Variants in CIZ1 observed in about 807,000 individuals in gnomAD.
The protein encoded by CIZ1 is cip1-interacting zinc finger protein.
In CIZ1, 58 loss-of-function variants were observed where a neutral mutation model predicts 118.6. The observed-to-expected ratio is 0.49, with a 90% CI of 0.40 to 0.61. The LOEUF (loss-of-function observed/expected upper bound fraction) is 0.61. Among genes scored for constraint, CIZ1 ranks in the 20% least tolerant of loss-of-function variants. CIZ1 has a pLI of 0.00. For synonymous variants in CIZ1, 448 were observed against 443.4 expected (o/e 1.01, Z -0.13); for missense variants, 921 against 1,115.9 (o/e 0.83, Z 2.49).
In CIZ1 at chr9:128,178,987, AC is replaced by A; in HGVS notation, c.1219del (p.Val407CysfsTer89). 1 of 1,612,632 alleles carries A rather than the reference AC, an allele frequency of 6.2e-7. No individual in the cohort carries two copies. The highest frequency in any genetic ancestry group is 8.5e-7 in the Non-Finnish European group (1 of 1,179,792). The part of the protein sequence containing the change: ...AEPLKQVQPQ[V>X]QPQAHSQPPR... ...GGGCTGTGAATGTGCCTGGGGCTGC[AC>A]CTGTGGCTGCACCTGCTTCAGCGGC... On this transcript the variant is annotated frameshift_variant, in exon 8 of 17. Coordinates refer to ENST00000372938, the MANE Select transcript of CIZ1 (RefSeq NM_001131016.2). LOFTEE classifies it high-confidence loss of function.
At position 128,203,418 on chromosome 9, in the gene CIZ1, A is replaced by G; in HGVS notation, c.-6+768T>C. 7.2e-7 allele frequency: 1 copy of G among 1,391,862 alleles called. No homozygotes were observed. The highest frequency in any genetic ancestry group is 1.5e-5 in the South Asian group (1 of 67,078). The allele number at this position is 1,391,862 out of a possible 1,614,324, so 86.2% of individuals were successfully genotyped here. ...GCTGCAGCGGCGGAGCCGGAGTCGG[A>G]GCCGGGAGCGCTAGCGGCAGCCGGA... On this transcript the variant is annotated intron_variant, in intron 1 of 17. Transcript: ENST00000372948. The surrounding 1 kb of genome is among the most constrained non-coding windows in gnomAD (Gnocchi z 5.3).
At position 128,170,153 on chromosome 9, in the gene CIZ1, C is replaced by G. The variant is rs374878237; in HGVS notation, c.1944-46G>C. ...CAAGTACAATGTGACGCCAGAAAGA[C>G]AGCAGCTGTCTGAGAGCGCTCCATA... On this transcript the variant is annotated intron_variant, in intron 11 of 16. Coordinates refer to ENST00000372938, the MANE Select transcript of CIZ1 (RefSeq NM_001131016.2). The G allele has an allele frequency of 8.4e-5, 129 of 1,539,644 alleles. No homozygotes were observed. The South Asian group carries it at 1.4e-3, about 17-fold the overall frequency.
chr9:128,172,147 C>CA lies in CIZ1; in HGVS notation c.1944-2041dup, dbSNP rs58895140. On this transcript the variant is annotated intron_variant, in intron 11 of 16. Coordinates refer to ENST00000372938, the MANE Select transcript of CIZ1 (RefSeq NM_001131016.2). The stretch of plus-strand genomic sequence containing the variant: ...TGGGTGACAGAGTGAGACACTGTCT[C>CA]AAAAAAAAAAAAAAAAAAAAAAAAA... 4.3e-4 allele frequency among the ~76,000 whole-genome samples: 30 copies of CA among 69,166 alleles called. 1 individual carries two copies. Among genetic ancestry groups the CA allele is most frequent in the African/African-American group, 1.9e-3 (28 of 14,446 alleles). 45.4% of individuals were successfully genotyped at this position (69,166 alleles called of 152,430 possible).
chr9:128,184,083 A>G (rs935666939), intron 5 of CIZ1, among the ~76,000 whole-genome samples: 2 of 152,176 alleles, frequency 1.3e-5, no homozygotes, highest in Non-Finnish European at 2.9e-5. Context: ...TTATACTTCT[A>G]TGAATGGCAA....
In CIZ1 at chr9:128,190,802, T is replaced by G. The variant is rs1231931258; in HGVS notation, c.56A>C (p.Gln19Pro). 1 of 1,540,100 alleles carries G rather than the reference T, an allele frequency of 6.5e-7. No homozygotes were observed. Among genetic ancestry groups the G allele is most frequent in the Non-Finnish European group, 8.7e-7 (1 of 1,143,256 alleles). ...QLQQQQQQLQ[Q>P]LQQQQLQQQQ... ...CTGCTGGAGCTGCTGCTGCTGTAAC[T>G]GCTGGAGCTGCTGCTGCTGTTGCTG... Residue 19 changes from glutamine to proline, a missense_variant, in exon 2 of 17, where the codon CAG (glutamine) becomes CCG (proline). Transcript: ENST00000372938.
intron 1 of CIZ1, 75 bp from the exon 2 acceptor site, chr9:128,190,937 C>G: frequency 6.8e-7 from 1 of 1,468,976 alleles, no homozygotes; most frequent in African/African-American, 1.4e-5. Context: ...TCCACCGCCA[C>G]TCCCCGCAGC....
chr9:128,197,874 G>C (rs1833416239), intron 1 of CIZ1: 1 of 152,230 alleles, frequency 6.6e-6, no homozygotes, highest in Admixed American at 6.5e-5. Flanking sequence ...ACAATCCTAT[G>C]AGTTAGGGGT....
chr9:128,196,969 C>T (rs1833392137), intron 1 of CIZ1: 1 of 152,216 alleles, frequency 6.6e-6, no homozygotes, highest in African/African-American at 2.4e-5. Flanking sequence ...CTAGTACTTG[C>T]ACAGTTTCTA....
At chr9:128,199,129 A>G (rs1344039422) in intron 1 of CIZ1, among the ~76,000 whole-genome samples, 2 of 152,138 alleles carry the variant, frequency 1.3e-5, no homozygotes, top group Non-Finnish European at 2.9e-5. Context: ...GCACTTTGGG[A>G]GGCCGAGGTG....
At position 128,179,166 on chromosome 9, in the gene CIZ1, T is replaced by C; in HGVS notation, c.1041A>G (p.Thr347=). The stretch of plus-strand genomic sequence containing the variant: ...GCACTAAGTGCTCTGGAGAGGTCTG[T>C]GTTTGCGCCTGCTTCTGCAGCTTTG... ...VQPKLQKQAQ[T]QTSPEHLVLQ... is the part of the protein sequence containing the mutation. The change falls in exon 8 of 17, where the codon ACA becomes ACG. Residue 347 remains threonine (T), a synonymous_variant. Transcript: ENST00000372938. 1 of 1,614,126 alleles carries C rather than the reference T, an allele frequency of 6.2e-7. No individual in the cohort carries two copies. The highest frequency in any genetic ancestry group is 8.5e-7 in the Non-Finnish European group (1 of 1,180,018).
chr9:128,192,924 C>T (rs1267162343), upstream of CIZ1, among the ~76,000 whole-genome samples: 1 of 152,190 alleles, frequency 6.6e-6, no homozygotes, highest in Non-Finnish European at 1.5e-5. Context: ...CCCTGCCTTC[C>T]GCGCCGACGT....
chr9:128,189,664 A>G (rs889946757), intron 3 of CIZ1, among the ~76,000 whole-genome samples: 4 of 152,060 alleles, frequency 2.6e-5, no homozygotes, highest in African/African-American at 9.7e-5. Context: ...TACTAAAAAT[A>G]CAAAAATTAG....
At chr9:128,172,356 T>C (rs1468177989) in intron 11 of CIZ1, among the ~76,000 whole-genome samples, 1 of 151,894 alleles carries the variant, frequency 6.6e-6, no homozygotes, top group African/African-American at 2.4e-5. Context: ...TATCCAGGCG[T>C]TGTGGCAGGC....
rs373247353 is a variant in CIZ1, at chr9:128,169,046, C to T, written c.2295+6G>A. The T allele has an allele frequency of 1.2e-5, 19 of 1,614,100 alleles. No homozygotes were observed. Among genetic ancestry groups the T allele is most frequent in the East Asian group, 6.7e-5 (3 of 44,884 alleles). On this transcript the variant is annotated splice_donor_region_variant and intron_variant, in intron 14 of 16. Coordinates refer to ENST00000372938, the MANE Select transcript of CIZ1 (RefSeq NM_001131016.2). ...AAGCCCGCCTCCCACACCCTCCCCCCAGCACCTGCTTGCAGAGTTCCTCCT... is the reference window on the plus strand; with the variant it reads ...AAGCCCGCCTCCCACACCCTCCCCCTAGCACCTGCTTGCAGAGTTCCTCCT...
Position 128,203,751 on chromosome 9 carries a change from G to T in CIZ1, c.-6+435C>A. On this transcript the variant is annotated intron_variant, in intron 1 of 17. Transcript: ENST00000372948. The surrounding 1 kb of genome is among the most constrained non-coding windows in gnomAD (Gnocchi z 5.3). ...CCGACGCTGCACCCGCGGCCGGCGC[G>T]CCCCCCACCCCCAGCCGGAGCGAGG... 2 of 930,526 alleles carry T rather than the reference G, an allele frequency of 2.1e-6. No homozygotes were observed. The highest frequency in any genetic ancestry group is 3.9e-5 in the South Asian group (1 of 25,622). The allele number at this position is 930,526 out of a possible 1,614,324, so 57.6% of individuals were successfully genotyped here.
In CIZ1 at chr9:128,190,669, G is replaced by A. The variant is rs1833022026; in HGVS notation, c.170+19C>T. 8 of 1,548,140 alleles carry A rather than the reference G, an allele frequency of 5.2e-6. No individual in the cohort carries two copies. In the East Asian group the frequency reaches 1.7e-4, roughly 33 times the overall value. ...TGAGTAGCAAGGCTGAAGCCATCGC[G>A]CCCGAGAGGGGAACTCACCGGCTGA... On this transcript the variant is annotated intron_variant, in intron 2 of 16. Transcript: ENST00000372938.
In CIZ1 at chr9:128,166,498, G is replaced by A; in HGVS notation, c.2488-92C>T. 1 of 1,135,650 alleles carries A rather than the reference G, an allele frequency of 8.8e-7. No individual in the cohort carries two copies. The highest frequency in any genetic ancestry group is 1.2e-6 in the Non-Finnish European group (1 of 804,396). The allele number at this position is 1,135,650 out of a possible 1,614,324, so 70.3% of individuals were successfully genotyped here. Reference sequence around the variant, plus strand: ...TACTTCCCCAGCTCTGGCTGAGACAGTATTAGTGTGCTCTGTGACCCTGCG... The same window carrying A: ...TACTTCCCCAGCTCTGGCTGAGACAATATTAGTGTGCTCTGTGACCCTGCG... On this transcript the variant is annotated intron_variant, in intron 16 of 16. Transcript: ENST00000372938. The surrounding 1 kb of genome is among the most constrained non-coding windows in gnomAD (Gnocchi z 4.4).
chr9:128,166,753 G>A lies in CIZ1; in HGVS notation c.2487+6C>T, dbSNP rs1829480792. 6.2e-7 allele frequency: 1 copy of A among 1,614,172 alleles called. No homozygotes were observed. Among genetic ancestry groups the A allele is most frequent in the Non-Finnish European group, 8.5e-7 (1 of 1,180,008 alleles). ...AGGGGAGGACAGGGCAGGATGTCCGGCTCACCTGCAGGTTCTCAAAGTGGC... is the reference window on the plus strand; with the variant it reads ...AGGGGAGGACAGGGCAGGATGTCCGACTCACCTGCAGGTTCTCAAAGTGGC... On this transcript the variant is annotated splice_donor_region_variant and intron_variant, in intron 16 of 16. Coordinates refer to ENST00000372938, the MANE Select transcript of CIZ1 (RefSeq NM_001131016.2). The surrounding 1 kb of genome is among the most constrained non-coding windows in gnomAD (Gnocchi z 4.4).
chr9:128,181,764 CGG>C lies in CIZ1; in HGVS notation c.589-952_589-951del, dbSNP rs74186833. Among the ~76,000 whole-genome samples, 865 of 116,014 alleles carry C rather than the reference CGG, an allele frequency of 7.5e-3. 5 individuals carry two copies. Among genetic ancestry groups the C allele is most frequent in the Middle Eastern group, 0.018 (4 of 220 alleles). 76.1% of individuals were successfully genotyped at this position (116,014 alleles called of 152,430 possible). A position where few individuals can be genotyped will look rare whatever the true frequency, so the allele number is the denominator to read the frequency against. ...CCGCTACTTAGCAGACCAGGAAAGG[CGG>C]GGGGGGGGGGGGGGTCTCCCTTTCC... On this transcript the variant is annotated intron_variant, in intron 5 of 16. Coordinates refer to ENST00000372938, the MANE Select transcript of CIZ1 (RefSeq NM_001131016.2).
Sources: allele counts gnomAD v4.1 joint callset (sites outside exome capture counted in the v4.1 genomes callset), GRCh38; gene constraint gnomAD v4.1.1; non-coding constraint Gnocchi (gnomAD v3.1); transcripts MANE v1.5; gene names NCBI Gene and HGNC (gene_info 2026-07-23, HGNC 2026-07-21).